PDIA5: variants seen among roughly 807,000 people sequenced by gnomAD.
The protein encoded by PDIA5 is protein disulfide isomerase family A member 5.
Under a neutral mutation model 77.6 loss-of-function variants are expected in PDIA5, and 58 were observed. The observed-to-expected ratio is 0.75, with a 90% confidence interval of 0.61 to 0.93. The LOEUF is 0.93. Ranked by LOEUF, PDIA5 falls within the 40% of genes least tolerant of loss-of-function variation. PDIA5 has a pLI of 0.00. For synonymous variants in PDIA5, 250 were observed against 252.1 expected (o/e 0.99, Z 0.08); for missense variants, 630 against 647.7 (o/e 0.97, Z 0.30).
chr3:123,151,943 G>T (rs368939792), intron 14 of PDIA5, among the ~76,000 whole-genome samples: 327 of 111,826 alleles, frequency 2.9e-3, no homozygotes, highest in South Asian at 9.3e-3. Context: ...CTTCCTTCCT[G>T]CCTGCCTTCC....
chr3:123,101,735 G>A (rs1934601136), intron 3 of PDIA5, among the ~76,000 whole-genome samples: 1 of 152,022 alleles, frequency 6.6e-6, no homozygotes, highest in Non-Finnish European at 1.5e-5. Context: ...AAACTTGCCT[G>A]ATAATTCTAA....
Position 123,130,616 on chromosome 3 carries a change from T to C in PDIA5, c.910T>C (p.Trp304Arg), listed in dbSNP as rs199783792. The change falls in exon 11 of 17, where the codon TGG becomes CGG. Residue 304 changes from tryptophan (W) to arginine (R), a missense_variant and splice_region_variant. Coordinates refer to ENST00000316218, the MANE Select transcript of PDIA5 (RefSeq NM_006810.4). ...SSVLVMFHAPWCGHCKKMKPE... is the reference protein window; with the variant it reads ...SSVLVMFHAPRCGHCKKMKPE... ...TGTCCTCGTCATGTTCCACGCCCCA[T>C]GTGAGTGGAACTTTGCTCCTCCCCC... 1.2e-6 allele frequency: 2 copies of C among 1,613,668 alleles called. No homozygotes were observed. Among genetic ancestry groups the C allele is most frequent in the Admixed American group, 1.7e-5 (1 of 59,986 alleles).
chr3:123,150,439 C>T, intron 14 of PDIA5, 75 bp downstream of exon 14: 1 of 1,454,618 alleles, frequency 6.9e-7, no homozygotes, highest in Non-Finnish European at 9.3e-7. Context: ...GACCCGCACA[C>T]CCACCCCAGG....
intron 14 of PDIA5, among the ~76,000 whole-genome samples, chr3:123,151,572 T>C (rs1201044738): frequency 1.3e-5 from 2 of 152,256 alleles, no homozygotes; most frequent in Non-Finnish European, 2.9e-5. Flanking sequence ...GTGCTTCCTC[T>C]GCCTCTCTTC....
chr3:123,141,847 G>A (rs557884291), intron 11 of PDIA5, among the ~76,000 whole-genome samples: 2 of 152,350 alleles, frequency 1.3e-5, no homozygotes, highest in South Asian at 4.1e-4. Flanking sequence ...GTGGGCCAGT[G>A]TGGAAAGACA....
chr3:123,079,369 A>T (rs2107909097), intron 1 of PDIA5, among the ~76,000 whole-genome samples: 1 of 151,766 alleles, frequency 6.6e-6, no homozygotes, highest in East Asian at 1.9e-4. Flanking sequence ...TTTAGTAGAG[A>T]CGGGGTTTCA....
At chr3:123,107,587 C>G (rs1219124591) in intron 6 of PDIA5, among the ~76,000 whole-genome samples, 2 of 152,180 alleles carry the variant, frequency 1.3e-5, no homozygotes, top group African/African-American at 4.8e-5. Context: ...GCCTGCCCAC[C>G]TGACCTGAAT....
intron 11 of PDIA5, among the ~76,000 whole-genome samples, chr3:123,135,410 G>T (rs1175671617): frequency 6.6e-6 from 1 of 152,124 alleles, no homozygotes; most frequent in Admixed American, 6.5e-5. Context: ...TGTGCTACAG[G>T]GCTTCTTGGG....
chr3:123,103,193 G>A (rs966674132), intron 5 of PDIA5, among the ~76,000 whole-genome samples: 3 of 152,170 alleles, frequency 2.0e-5, no homozygotes, highest in Non-Finnish European at 2.9e-5. Context: ...GACACCTTTG[G>A]GCTGATGCAG....
At chr3:123,124,403 C>A in intron 10 of PDIA5, 60 bp downstream of exon 10, 1 of 1,240,100 alleles carries the variant, frequency 8.1e-7, no homozygotes, top group Non-Finnish European at 1.2e-6. Context: ...ATCTGCCGGG[C>A]CTGAGGGTCG....
rs1464917169 is a variant in PDIA5, at chr3:123,130,440, C to T, written c.774-40C>T. ...GGAATTAGAAGGGCTGCCAAGGCCC[C>T]AGGGCCTGCTCTGAGCTCTGCCTGT... is the stretch of plus-strand genomic sequence containing the variant. On this transcript the variant is annotated intron_variant, in intron 10 of 16. Transcript: ENST00000316218. 4 of 1,590,254 alleles carry T rather than the reference C, an allele frequency of 2.5e-6. No homozygotes were observed. In the Admixed American group the frequency reaches 5.2e-5, roughly 21 times the overall value.
intron 11 of PDIA5, among the ~76,000 whole-genome samples, chr3:123,135,266 T>G (rs1394037158): frequency 6.6e-6 from 1 of 152,110 alleles, no homozygotes; most frequent in Non-Finnish European, 1.5e-5. Context: ...TAGACATCAT[T>G]TATATGGGGA....
At chr3:123,086,003 A>G (rs1476498116) in intron 1 of PDIA5, among the ~76,000 whole-genome samples, 1 of 152,208 alleles carries the variant, frequency 6.6e-6, no homozygotes, top group African/African-American at 2.4e-5. Context: ...GGTGGCTTGC[A>G]TAAGGGCAGC....
intron 8 of PDIA5, 49 bp from the exon 9 acceptor site, chr3:123,124,017 G>T: frequency 8.6e-7 from 1 of 1,167,892 alleles, no homozygotes; most frequent in Non-Finnish European, 1.3e-6. Flanking sequence ...GGACTAGAGG[G>T]TGTCTGTGGG....
chr3:123,130,729 C>A (rs1935353888), intron 11 of PDIA5, 113 bp downstream of exon 11: 2 of 1,196,438 alleles, frequency 1.7e-6, no homozygotes, highest in Non-Finnish European at 2.4e-6. Context: ...ATGCCAGGAC[C>A]CATGCTAAGC....
At chr3:123,092,321 C>G in intron 2 of PDIA5, 34 bp from the exon 3 acceptor site, 1 of 1,568,482 alleles carries the variant, frequency 6.4e-7, no homozygotes, top group Non-Finnish European at 8.8e-7. Flanking sequence ...TGCCCTTGGT[C>G]ACAGATGTTT....
Position 123,143,297 on chromosome 3 carries a change from A to G in PDIA5, c.911-2225A>G, listed in dbSNP as rs370863320. On this transcript the variant is annotated intron_variant, in intron 11 of 16. Coordinates refer to ENST00000316218, the MANE Select transcript of PDIA5 (RefSeq NM_006810.4). ...CTACTCGGGAGGCTGAGGCAGGGGA[A>G]TCACTTGAACCCAGGAGGCGGAGGT... is the stretch of plus-strand genomic sequence containing the variant. Among the ~76,000 whole-genome samples the G allele has an allele frequency of 2.6e-5, 4 of 151,322 alleles. No homozygotes were observed. In the East Asian group the frequency reaches 5.9e-4, roughly 22 times the overall value.
At chr3:123,072,688 C>T (rs182739220) in intron 1 of PDIA5, among the ~76,000 whole-genome samples, 1 of 152,228 alleles carries the variant, frequency 6.6e-6, no homozygotes, top group East Asian at 1.9e-4. Context: ...AAAGTAGATC[C>T]CCTCTTGAGA....
chr3:123,081,754 A>G (rs1934011376), intron 1 of PDIA5, among the ~76,000 whole-genome samples: 1 of 152,188 alleles, frequency 6.6e-6, no homozygotes, highest in African/African-American at 2.4e-5. Flanking sequence ...TAGTAAATCT[A>G]TAATGACAGA....
Sources: allele counts gnomAD v4.1 joint callset (sites outside exome capture counted in the v4.1 genomes callset), GRCh38; gene constraint gnomAD v4.1.1; transcripts MANE v1.5; gene names NCBI Gene and HGNC (gene_info 2026-07-23, HGNC 2026-07-21).